Variants in CCDC102B observed in about 807,000 individuals in gnomAD.
CCDC102B encodes the protein coiled-coil domain-containing protein 102B.
CCDC102B carries 75 observed loss-of-function variants against 57.4 expected under a neutral mutation model. The observed-to-expected ratio is 1.31, with a 90% CI of 1.08 to 1.58. The LOEUF (loss-of-function observed/expected upper bound fraction) is 1.58, where lower values mean the gene tolerates loss of function less well. Among genes scored for constraint, CCDC102B ranks in the 40% most tolerant of loss-of-function variants. The pLI, the probability that CCDC102B is intolerant of heterozygous loss-of-function variation, is 0.00. For synonymous variants in CCDC102B, 206 were observed against 201.9 expected (o/e 1.02, Z -0.17); for missense variants, 636 against 582.6 (o/e 1.09, Z -0.94).
chr18:68,935,089 C>T (rs2041799008), intron 6 of CCDC102B, among the ~76,000 whole-genome samples: 1 of 151,806 alleles, frequency 6.6e-6, no homozygotes. Flanking sequence ...AAGACCGCAT[C>T]TATAAGGTGA....
At chr18:68,719,520 C>T (rs1020251992) in intron 2 of CCDC102B, among the ~76,000 whole-genome samples, 2 of 152,142 alleles carry the variant, frequency 1.3e-5, no homozygotes, top group Non-Finnish European at 2.9e-5. Flanking sequence ...TGTCTCAGCT[C>T]AAACACAGAC....
chr18:68,935,209 C>T (rs2041801983), intron 6 of CCDC102B, among the ~76,000 whole-genome samples: 1 of 151,806 alleles, frequency 6.6e-6, no homozygotes, highest in South Asian at 2.1e-4. Flanking sequence ...AACATGTGCC[C>T]AGTGTGTTGG....
At chr18:68,808,786 A>G (rs1165906276) in intron 1 of CCDC102B, among the ~76,000 whole-genome samples, 1 of 152,062 alleles carries the variant, frequency 6.6e-6, no homozygotes, top group African/African-American at 2.4e-5. Flanking sequence ...CTTACTACAC[A>G]TTTTTATTTT....
intron 2 of CCDC102B, among the ~76,000 whole-genome samples, chr18:68,764,287 A>G (rs187895072): frequency 2.1e-3 from 324 of 152,258 alleles, no homozygotes; most frequent in Non-Finnish European, 3.5e-3. Flanking sequence ...TGCTGACTCC[A>G]TAGAAGAGCA....
intron 1 of CCDC102B, among the ~76,000 whole-genome samples, chr18:68,809,176 C>A (rs2036151860): frequency 6.6e-6 from 1 of 152,162 alleles, no homozygotes; most frequent in South Asian, 2.1e-4. Flanking sequence ...CGTAATTGAG[C>A]TTCTACAATA....
At chr18:68,748,257 T>TGTGTGTGTG (rs2033709126) in intron 2 of CCDC102B, among the ~76,000 whole-genome samples, 5 of 143,848 alleles carry the variant, frequency 3.5e-5, no homozygotes, top group South Asian at 2.2e-4. Flanking sequence ...TGTGTGTGTG[T>TGTGTGTGTG]TTGCTATTGA....
chr18:68,839,081 T>C (rs577627837), intron 3 of CCDC102B, 155 bp downstream of exon 3: 939 of 666,814 alleles, frequency 1.4e-3, no homozygotes, highest in Non-Finnish European at 1.9e-3. Context: ...TATATTCATA[T>C]GTTGAATTTT....
At chr18:69,045,549 T>C (rs2052540891) in intron 7 of CCDC102B, among the ~76,000 whole-genome samples, 2 of 152,166 alleles carry the variant, frequency 1.3e-5, no homozygotes, top group South Asian at 4.1e-4. Context: ...TATCATACTG[T>C]ATTCAAACTC....
intron 1 of CCDC102B, among the ~76,000 whole-genome samples, chr18:68,824,304 C>A (rs1676852): frequency 2.0e-5 from 3 of 152,174 alleles, no homozygotes; most frequent in Non-Finnish European, 2.9e-5. Context: ...ATGTATTGCA[C>A]GAGGAGGCCT....
At chr18:68,768,381 C>A (rs2034534285) in intron 2 of CCDC102B, among the ~76,000 whole-genome samples, 1 of 152,184 alleles carries the variant, frequency 6.6e-6, no homozygotes, top group Non-Finnish European at 1.5e-5. Context: ...AGAAGAGCAG[C>A]TGGTAAATAT....
In CCDC102B at chr18:69,040,132, C is replaced by T. The variant is rs1452693359; in HGVS notation, c.1435-13898C>T. On this transcript the variant is annotated intron_variant, in intron 7 of 7. Coordinates refer to ENST00000360242, the MANE Select transcript of CCDC102B (RefSeq NM_024781.3). ...TTTATCTATTACATGAGGAATGATA[C>T]ATGTACACTGAAGTTTATTTTTCAA... Among the ~76,000 whole-genome samples the T allele has an allele frequency of 4.0e-5, 6 of 151,816 alleles. 1 individual carries two copies. In the East Asian group the frequency reaches 9.7e-4, roughly 25 times the overall value.
intron 6 of CCDC102B, among the ~76,000 whole-genome samples, chr18:69,008,032 G>A (rs895345607): frequency 6.6e-6 from 1 of 152,196 alleles, no homozygotes; most frequent in African/African-American, 2.4e-5. Context: ...TCATGTAATT[G>A]TAACTAGGTG....
Position 69,011,086 on chromosome 18 carries a change from C to A in CCDC102B, c.1416C>A (p.Leu472=). Residue 472 remains leucine (L), a synonymous_variant, in exon 7 of 8, where the codon CTC becomes CTA. Coordinates refer to ENST00000360242, the MANE Select transcript of CCDC102B (RefSeq NM_024781.3). Reference sequence around the variant, plus strand: ...GAGTGGAAGAACTAAAGCAGGGACTCAATCAAAAAGAAGATGAGGTACTAC... The same window carrying A: ...GAGTGGAAGAACTAAAGCAGGGACTAAATCAAAAAGAAGATGAGGTACTAC... ...RLRVEELKQG[L]NQKEDELDDS... 6.2e-7 allele frequency: 1 copy of A among 1,612,924 alleles called. No homozygotes were observed. Among genetic ancestry groups the A allele is most frequent in the South Asian group, 1.1e-5 (1 of 90,904 alleles).
chr18:68,833,524 G>C (rs926710095), intron 1 of CCDC102B, among the ~76,000 whole-genome samples: 1 of 151,930 alleles, frequency 6.6e-6, no homozygotes, highest in African/African-American at 2.4e-5. Context: ...TGCTTTGCCT[G>C]CAAGGTAGCT....
chr18:68,987,473 AAC>A (rs1021113164), intron 6 of CCDC102B, among the ~76,000 whole-genome samples: 1 of 152,208 alleles, frequency 6.6e-6, no homozygotes, highest in Non-Finnish European at 1.5e-5. Flanking sequence ...AAACCTAGGA[AAC>A]ACCTTTCTCA....
Position 69,054,245 on chromosome 18 carries a change from A to G in CCDC102B, c.*108A>G. On this transcript the variant is annotated 3_prime_UTR_variant, in exon 8 of 8. Transcript: ENST00000360242. ...TTTTATTAACTAGAAATATTAATGAAAAAAACGTAGACAATACACAAATTA... is the reference window on the plus strand; with the variant it reads ...TTTTATTAACTAGAAATATTAATGAGAAAAACGTAGACAATACACAAATTA... 7.2e-7 allele frequency: 1 copy of G among 1,380,138 alleles called. No individual in the cohort carries two copies. Among genetic ancestry groups the G allele is most frequent in the Non-Finnish European group, 9.3e-7 (1 of 1,073,004 alleles). 85.5% of individuals were successfully genotyped at this position (1,380,138 alleles called of 1,614,324 possible). A position where few individuals can be genotyped will look rare whatever the true frequency, so the allele number is the denominator to read the frequency against.
intron 1 of CCDC102B, among the ~76,000 whole-genome samples, chr18:68,832,765 G>A (rs1238820023): frequency 7.6e-6 from 1 of 132,212 alleles, no homozygotes; most frequent in East Asian, 2.5e-4. Context: ...AAGCCAGGGG[G>A]AAGAGAGTCT....
At chr18:68,729,200 A>G (rs551982819) in intron 2 of CCDC102B, among the ~76,000 whole-genome samples, 1 of 152,346 alleles carries the variant, frequency 6.6e-6, no homozygotes, top group South Asian at 2.1e-4. Flanking sequence ...TAAAGAAATT[A>G]AACAAGATGC....
chr18:68,732,822 A>G (rs919256135), intron 2 of CCDC102B, among the ~76,000 whole-genome samples: 5 of 152,176 alleles, frequency 3.3e-5, no homozygotes, highest in Non-Finnish European at 2.9e-5. Flanking sequence ...ATTTTGAGTC[A>G]TCCTTGCTAT....
Sources: gnomAD v4.1 joint callset for allele counts (sites outside exome capture counted in the v4.1 genomes callset) on GRCh38, gnomAD v4.1.1 for gene constraint, MANE v1.5 for transcripts, NCBI Gene and HGNC (gene_info 2026-07-23, HGNC 2026-07-21) for gene names.